Variants in KIF25 observed in about 807,000 individuals in gnomAD.
KIF25 encodes the protein kinesin-like protein KIF25.
Under a neutral mutation model 32.9 loss-of-function variants are expected in KIF25, and 19 were observed. The ratio of observed to expected loss-of-function variants is 0.58; its 90% CI spans 0.40 to 0.85. The LOEUF (loss-of-function observed/expected upper bound fraction) is 0.85. Ranked by LOEUF, KIF25 falls within the 40% of genes least tolerant of loss-of-function variation. The pLI is 0.00. For missense variants in KIF25, 485 were observed against 507.0 expected (o/e 0.96, Z 0.42); for synonymous variants, 225 against 213.7 (o/e 1.05, Z -0.46).
chr6:167,999,767 GAA>G (rs1798471647), intron 2 of KIF25, among the ~76,000 whole-genome samples: 2 of 152,308 alleles, frequency 1.3e-5, no homozygotes, highest in African/African-American at 4.8e-5. Flanking sequence ...TTGACTTAGA[GAA>G]AGTTTTGATG....
intron 4 of KIF25, among the ~76,000 whole-genome samples, chr6:168,013,339 C>T (rs1045239871): frequency 4.0e-5 from 6 of 151,848 alleles, no homozygotes; most frequent in South Asian, 2.1e-4. Flanking sequence ...TGTGCAAGGC[C>T]GGAGTCACAG....
intron 5 of KIF25, among the ~76,000 whole-genome samples, chr6:168,022,640 G>T (rs575882721): frequency 6.6e-6 from 1 of 152,136 alleles, no homozygotes. Context: ...TCTGGTTCTT[G>T]TGGCGGCTGC....
At chr6:168,013,408 G>C (rs76688870) in intron 4 of KIF25, among the ~76,000 whole-genome samples, 2,886 of 152,078 alleles carry the variant, frequency 0.019, 27 homozygotes, top group Non-Finnish European at 0.029. Flanking sequence ...ACCCGTGTAG[G>C]CTTGGAGTCA....
At chr6:168,030,360 C>T (rs1185901336) in intron 6 of KIF25, among the ~76,000 whole-genome samples, 1 of 152,074 alleles carries the variant, frequency 6.6e-6, no homozygotes, top group Admixed American at 6.5e-5. Flanking sequence ...ATTGGGCCCT[C>T]TAAAGTAGAG....
At chr6:168,001,096 T>C (rs994572638) in intron 2 of KIF25, among the ~76,000 whole-genome samples, 5 of 152,250 alleles carry the variant, frequency 3.3e-5, no homozygotes, top group Non-Finnish European at 7.3e-5. Flanking sequence ...TTGTCACTTG[T>C]CAAAGGACTG....
chr6:168,040,242 G>A (rs1187616299), intron 10 of KIF25, 26 bp downstream of exon 10: 3 of 1,591,944 alleles, frequency 1.9e-6, no homozygotes, highest in South Asian at 2.2e-5. Flanking sequence ...TGCTTGGTCA[G>A]TGGCAAGTAA....
chr6:168,038,760 C>T (rs1297010779), intron 9 of KIF25, 31 bp downstream of exon 9: 17 of 1,601,964 alleles, frequency 1.1e-5, no homozygotes, highest in Non-Finnish European at 1.5e-5. Flanking sequence ...GTGCTGCTGG[C>T]CTCTGAGTGA....
At chr6:168,036,389 G>A (rs1463944412) in intron 8 of KIF25, among the ~76,000 whole-genome samples, 2 of 152,238 alleles carry the variant, frequency 1.3e-5, no homozygotes, top group Non-Finnish European at 2.9e-5. Context: ...ACAGATGGCA[G>A]AGACAAAGCC....
rs149113038 is a variant in KIF25 at position 168,033,961 on chromosome 6, G to A, written c.247G>A (p.Gly83Ser). The change falls in exon 8 of 13, where the codon GGC becomes AGC. Residue 83 changes from glycine (G) to serine (S), a missense_variant. By Grantham distance (56) the Gly-to-Ser change is moderately conservative (BLOSUM62 0). Transcript: ENST00000643607. ...CATGCTGGGACGCCATTCGGACGAC[G>A]GCCCTGTTCTGCCGCTTGACCCACA... Reference protein sequence around the residue: ...YTMLGRHSDDGPVLPLDPQSD... With the variant: ...YTMLGRHSDDSPVLPLDPQSD... 281 of 1,614,120 alleles carry A rather than the reference G, an allele frequency of 1.7e-4. No individual in the cohort carries two copies. Among genetic ancestry groups the A allele is most frequent in the African/African-American group, 2.4e-4 (18 of 75,018 alleles).
chr6:167,999,856 T>G (rs1289982107), intron 2 of KIF25, among the ~76,000 whole-genome samples: 1 of 152,104 alleles, frequency 6.6e-6, no homozygotes, highest in Non-Finnish European at 1.5e-5. Context: ...CAATATGACT[T>G]ACTTCCTTCC....
intron 10 of KIF25, 104 bp downstream of exon 10, chr6:168,040,320 C>G: frequency 8.6e-7 from 1 of 1,162,674 alleles, no homozygotes; most frequent in South Asian, 1.6e-5. Flanking sequence ...AATCCCAGCA[C>G]TTTGGGAGAC....
intron 2 of KIF25, among the ~76,000 whole-genome samples, chr6:167,999,554 C>T (rs976665377): frequency 2.0e-5 from 3 of 152,208 alleles, no homozygotes; most frequent in African/African-American, 4.8e-5. Context: ...GCCTCTCGTG[C>T]GTGGTAGTGG....
At chr6:168,027,978 G>T (rs746852060) in intron 5 of KIF25, among the ~76,000 whole-genome samples, 3 of 152,060 alleles carry the variant, frequency 2.0e-5, no homozygotes, top group Non-Finnish European at 4.4e-5. Context: ...TGAGCCACAC[G>T]AACATGTTTA....
chr6:168,042,306 G>A (rs546525129), intron 11 of KIF25, among the ~76,000 whole-genome samples, 155 bp downstream of exon 11: 3 of 152,306 alleles, frequency 2.0e-5, no homozygotes, highest in East Asian at 3.9e-4. Flanking sequence ...CATTCTCAGG[G>A]ATTGGTTCTC....
chr6:168,037,407 C>G, intron 8 of KIF25, among the ~76,000 whole-genome samples: 1 of 152,186 alleles, frequency 6.6e-6, no homozygotes, highest in Non-Finnish European at 1.5e-5. Flanking sequence ...CCGCCCGGTT[C>G]TCAGAATAGC....
chr6:168,035,386 G>A (rs1464030182), intron 8 of KIF25, among the ~76,000 whole-genome samples: 6 of 112,540 alleles, frequency 5.3e-5, no homozygotes, highest in Admixed American at 4.7e-4. Context: ...GGAATTTGCC[G>A]ACGGAAGCAT....
At chr6:168,025,888 C>A (rs1377094017) in intron 5 of KIF25, among the ~76,000 whole-genome samples, 4 of 152,168 alleles carry the variant, frequency 2.6e-5, no homozygotes, top group African/African-American at 9.7e-5. Context: ...AGTGTGCGGC[C>A]GAGTACTGAG....
At chr6:168,042,507 T>A in intron 11 of KIF25, 54 bp from the exon 12 acceptor site, 1 of 1,577,666 alleles carries the variant, frequency 6.3e-7, no homozygotes, top group South Asian at 1.2e-5. Context: ...GGTTTTGCTT[T>A]TCCTGCCTCC....
intron 2 of KIF25, among the ~76,000 whole-genome samples, chr6:168,002,176 A>G (rs991026699): frequency 1.0e-5 from 1 of 97,632 alleles, no homozygotes; most frequent in Non-Finnish European, 2.1e-5. Flanking sequence ...GTGAGAAGAC[A>G]CCTGAGGCGT....
Sources: gnomAD v4.1 joint callset for allele counts (sites outside exome capture counted in the v4.1 genomes callset) on GRCh38, gnomAD v4.1.1 for gene constraint, MANE v1.5 for transcripts, NCBI Gene and HGNC (gene_info 2026-07-23, HGNC 2026-07-21) for gene names.